Variants in ESR1 observed in about 807,000 individuals in gnomAD.
The protein encoded by ESR1 is estrogen receptor.
In ESR1, 12 loss-of-function variants were observed where a neutral mutation model predicts 52.7. The ratio of observed to expected loss-of-function variants is 0.23; its 90% CI spans 0.15 to 0.37. The LOEUF is 0.37. Ranked by LOEUF, ESR1 falls within the 10% of genes least tolerant of loss-of-function variation. The pLI is 1.00. For synonymous variants in ESR1, 305 were observed against 316.8 expected, an observed-to-expected ratio of 0.96 and a Z score of 0.39; for missense variants, 584 against 779.7, an observed-to-expected ratio of 0.75 and a Z score of 2.99.
chr6:151,771,424 G>GAA (rs1244542815), intron 2 of ESR1, among the ~76,000 whole-genome samples: 1 of 152,186 alleles, frequency 6.6e-6, no homozygotes, highest in Non-Finnish European at 1.5e-5. Flanking sequence ...ATAACCTGTT[G>GAA]AAAATTTAGT....
intron 2 of ESR1, among the ~76,000 whole-genome samples, chr6:151,723,365 C>G (rs1781596674): frequency 6.6e-6 from 1 of 152,230 alleles, no homozygotes; most frequent in Non-Finnish European, 1.5e-5. Context: ...CTCCTCCAAA[C>G]TCCTGCGTGG....
At chr6:152,029,223 A>C (rs1442104934) in intron 5 of ESR1, among the ~76,000 whole-genome samples, 1 of 152,218 alleles carries the variant, frequency 6.6e-6, no homozygotes, top group East Asian at 1.9e-4. Context: ...AAGTTCTAAA[A>C]ATCAGAGCAC....
chr6:151,764,185 G>T (rs1277981046), intron 2 of ESR1, among the ~76,000 whole-genome samples: 1 of 152,178 alleles, frequency 6.6e-6, no homozygotes, highest in African/African-American at 2.4e-5. Context: ...AACTGGGACA[G>T]TCCTGGGCAA....
At chr6:152,057,291 T>G (rs2047177926) in intron 5 of ESR1, among the ~76,000 whole-genome samples, 1 of 152,180 alleles carries the variant, frequency 6.6e-6, no homozygotes, top group Admixed American at 6.5e-5. Context: ...AGGTACCACA[T>G]AATTGGCCAG....
intron 1 of ESR1, among the ~76,000 whole-genome samples, chr6:151,671,497 A>G (rs1396366439): frequency 6.6e-6 from 1 of 152,214 alleles, no homozygotes; most frequent in Non-Finnish European, 1.5e-5. Flanking sequence ...TCGTAGACAC[A>G]GAGAGGAGAA....
At chr6:152,000,043 A>G (rs942737861) in intron 4 of ESR1, among the ~76,000 whole-genome samples, 1 of 152,032 alleles carries the variant, frequency 6.6e-6, no homozygotes, top group African/African-American at 2.4e-5. Flanking sequence ...TACTTTTTAT[A>G]ATGAAAAAGG....
At chr6:151,763,703 C>T (rs923592012) in intron 2 of ESR1, among the ~76,000 whole-genome samples, 1 of 152,116 alleles carries the variant, frequency 6.6e-6, no homozygotes, top group Admixed American at 6.5e-5. Flanking sequence ...GAAGAAGGCC[C>T]ACAAAATATA....
At chr6:152,110,281 T>C (rs545041397) in intron 6 of ESR1, among the ~76,000 whole-genome samples, 2 of 152,336 alleles carry the variant, frequency 1.3e-5, no homozygotes, top group African/African-American at 4.8e-5. Flanking sequence ...TTGCATGTAA[T>C]GCCTGTCAAT....
At chr6:151,839,831 G>A (rs1172772709) in intron 1 of ESR1, among the ~76,000 whole-genome samples, 5 of 152,130 alleles carry the variant, frequency 3.3e-5, no homozygotes, top group Admixed American at 2.6e-4. Context: ...ATTGTTGAAT[G>A]GGTATGGAGT....
At chr6:151,898,723 C>A (rs995705681) in intron 3 of ESR1, among the ~76,000 whole-genome samples, 3 of 152,162 alleles carry the variant, frequency 2.0e-5, no homozygotes, top group Non-Finnish European at 4.4e-5. Flanking sequence ...GGGGTAAGGT[C>A]ACAGATCAAC....
At chr6:151,812,952 C>T (rs1021291031) in intron 1 of ESR1, among the ~76,000 whole-genome samples, 11 of 143,998 alleles carry the variant, frequency 7.6e-5, no homozygotes, top group Non-Finnish European at 1.7e-4. Flanking sequence ...AGTGAATTGA[C>T]GTGTAATGTC....
chr6:152,111,710 G>A (rs2051138243), intron 6 of ESR1, among the ~76,000 whole-genome samples: 3 of 152,166 alleles, frequency 2.0e-5, no homozygotes, highest in African/African-American at 4.8e-5. Flanking sequence ...GAGAAGGGCA[G>A]AGAGAGGGTG....
At chr6:152,123,309 T>C (rs2052093833) in intron 6 of ESR1, among the ~76,000 whole-genome samples, 2 of 152,236 alleles carry the variant, frequency 1.3e-5, no homozygotes, top group Admixed American at 1.3e-4. Flanking sequence ...CAGTGGAGTC[T>C]GTCTACAGAA....
chr6:151,681,740 G>A (rs1189402597), intron 1 of ESR1, among the ~76,000 whole-genome samples: 2 of 152,138 alleles, frequency 1.3e-5, no homozygotes, highest in Admixed American at 6.5e-5. Context: ...CAAGGGATCC[G>A]GTCGCTTTGT....
intron 3 of ESR1, among the ~76,000 whole-genome samples, chr6:151,933,667 G>C (rs1013357407): frequency 6.6e-6 from 1 of 152,128 alleles, no homozygotes; most frequent in Admixed American, 6.6e-5. Flanking sequence ...AGCATGAAGA[G>C]TTGTTGAATT....
At chr6:151,789,912 G>A (rs1787366364) in intron 2 of ESR1, among the ~76,000 whole-genome samples, 3 of 152,192 alleles carry the variant, frequency 2.0e-5, no homozygotes, top group African/African-American at 7.2e-5. Context: ...AAGTGGGTGG[G>A]TCAGGAGGTG....
intron 2 of ESR1, among the ~76,000 whole-genome samples, chr6:151,736,438 T>C (rs2128049575): frequency 6.8e-6 from 1 of 146,854 alleles, no homozygotes. Flanking sequence ...GGTGGCGTGA[T>C]CTTGGCTCAC....
intron 3 of ESR1, among the ~76,000 whole-genome samples, chr6:151,924,200 A>T (rs1241218417): frequency 6.6e-6 from 1 of 151,822 alleles, no homozygotes; most frequent in African/African-American, 2.4e-5. Flanking sequence ...CTGCCACCAT[A>T]CCCGGCTAAT....
chr6:151,691,561 G>A (rs1778945370), intron 1 of ESR1, among the ~76,000 whole-genome samples: 1 of 152,184 alleles, frequency 6.6e-6, no homozygotes, highest in Admixed American at 6.5e-5. Flanking sequence ...TTGTGATCAT[G>A]GCAATGGTTC....
Sources: allele counts gnomAD v4.1 joint callset (sites outside exome capture counted in the v4.1 genomes callset), GRCh38; gene constraint gnomAD v4.1.1; transcripts MANE v1.5; gene names NCBI Gene and HGNC (gene_info 2026-07-23, HGNC 2026-07-21).